MAP3K20: variants seen among roughly 807,000 people sequenced by gnomAD.
MAP3K20 encodes the protein HCCS-4.
In MAP3K20, 40 loss-of-function variants were observed where a neutral mutation model predicts 85.7. The observed-to-expected ratio is 0.47, with a 90% CI of 0.36 to 0.61. The LOEUF is 0.61. Among genes scored for constraint, MAP3K20 ranks in the 20% least tolerant of loss-of-function variants. MAP3K20 has a pLI of 0.00. For synonymous variants in MAP3K20, 325 were observed against 327.7 expected, an observed-to-expected ratio of 0.99 and a Z score of 0.09; for missense variants, 817 against 961.7, an observed-to-expected ratio of 0.85 and a Z score of 1.99.
chr2:173,162,820 G>T (rs1313791712), intron 2 of MAP3K20, among the ~76,000 whole-genome samples: 1 of 152,112 alleles, frequency 6.6e-6, no homozygotes, highest in African/African-American at 2.4e-5. Context: ...AGTGTACCTT[G>T]TGTCAGTGCC....
intron 2 of MAP3K20, among the ~76,000 whole-genome samples, chr2:173,135,747 A>G (rs1688781739): frequency 6.6e-6 from 1 of 152,258 alleles, no homozygotes; most frequent in African/African-American, 2.4e-5. Context: ...GTAAATGTCA[A>G]ATATAATGAA....
chr2:173,258,274 G>C (rs1239952851), intron 16 of MAP3K20, among the ~76,000 whole-genome samples: 1 of 152,154 alleles, frequency 6.6e-6, no homozygotes, highest in Non-Finnish European at 1.5e-5. Context: ...TGGATCAAGA[G>C]GGCCTTATGT....
At chr2:173,176,408 G>A (rs1370218812) in intron 3 of MAP3K20, among the ~76,000 whole-genome samples, 2 of 151,974 alleles carry the variant, frequency 1.3e-5, no homozygotes, top group Non-Finnish European at 2.9e-5. Flanking sequence ...CACAACAATA[G>A]CATAAAGGAT....
chr2:173,093,836 G>A (rs1407820544), intron 2 of MAP3K20, among the ~76,000 whole-genome samples: 2 of 152,032 alleles, frequency 1.3e-5, no homozygotes, highest in Non-Finnish European at 2.9e-5. Flanking sequence ...CATGTCCTTT[G>A]TAGGGACAAG....
intron 18 of MAP3K20, 56 bp from the exon 19 acceptor site, chr2:173,263,689 G>T: frequency 6.5e-7 from 1 of 1,527,856 alleles, no homozygotes; most frequent in African/African-American, 1.4e-5. Context: ...GTGTCTATTT[G>T]GTCATATGTT....
intron 9 of MAP3K20, 81 bp downstream of exon 9, chr2:173,203,951 T>C: frequency 7.7e-7 from 1 of 1,298,434 alleles, no homozygotes; most frequent in Non-Finnish European, 1.1e-6. Context: ...CTTAGGGTAA[T>C]AAAATTCATT....
chr2:173,223,016 A>C (rs921176675), intron 11 of MAP3K20: 2 of 985,342 alleles, frequency 2.0e-6, no homozygotes, highest in Admixed American at 6.1e-5. Flanking sequence ...AAGAAAGGAC[A>C]TCATCATAGA....
Position 173,209,998 on chromosome 2 carries a change from T to C in MAP3K20, c.851+163T>C, listed in dbSNP as rs1683830750. ...ATGATTTTGGAACTCTTATAAGTCC[T>C]GCATTTCATAAGCAAGAAATAGTGT... On this transcript the variant is annotated intron_variant, in intron 10 of 19. Transcript: ENST00000375213. 8 of 628,858 alleles carry C rather than the reference T, an allele frequency of 1.3e-5. No individual in the cohort carries two copies. The South Asian group carries it at 1.4e-4, about 11-fold the overall frequency. 39.0% of individuals were successfully genotyped at this position (628,858 alleles called of 1,614,324 possible).
At chr2:173,213,933 T>C (rs1683991285) in intron 10 of MAP3K20, among the ~76,000 whole-genome samples, 1 of 152,106 alleles carries the variant, frequency 6.6e-6, no homozygotes, top group Admixed American at 6.6e-5. Context: ...TACTCCCCTT[T>C]CCCCCCAACT....
intron 2 of MAP3K20, among the ~76,000 whole-genome samples, chr2:173,120,839 C>G (rs1688264862): frequency 6.6e-6 from 1 of 150,826 alleles, no homozygotes; most frequent in South Asian, 2.1e-4. Context: ...TCCTGAGTAG[C>G]TGGGACTACA....
intron 3 of MAP3K20, among the ~76,000 whole-genome samples, chr2:173,177,131 C>T (rs1325526598): frequency 1.3e-5 from 2 of 152,164 alleles, no homozygotes; most frequent in African/African-American, 4.8e-5. Context: ...ATTGATAGAA[C>T]AGCTAGACAG....
In MAP3K20 at chr2:173,229,728, G is replaced by C; in HGVS notation, c.1027G>C (p.Asp343His). ...TGAGATTGGTGCATGGACGGAAGACGATGTGGTAAGCTCTTTGTATTCATG... is the reference window on the plus strand; with the variant it reads ...TGAGATTGGTGCATGGACGGAAGACCATGTGGTAAGCTCTTTGTATTCATG... Reference protein sequence around the residue: ...SFEIGAWTEDDVYCWVQQLVR... With the variant: ...SFEIGAWTEDHVYCWVQQLVR... Residue 343 changes from aspartate (D) to histidine (H), a missense_variant, in exon 12 of 20, where the codon GAT becomes CAT. Physicochemically the swap from Asp to His is moderately conservative, Grantham distance 81. Transcript: ENST00000375213. 6.2e-7 allele frequency: 1 copy of C among 1,614,086 alleles called. No homozygotes were observed. Among genetic ancestry groups the C allele is most frequent in the Non-Finnish European group, 8.5e-7 (1 of 1,180,002 alleles).
chr2:173,131,466 C>T (rs1688615892), intron 2 of MAP3K20, among the ~76,000 whole-genome samples: 1 of 152,056 alleles, frequency 6.6e-6, no homozygotes, highest in Non-Finnish European at 1.5e-5. Flanking sequence ...GAGATAGGAA[C>T]CATGAAACCA....
chr2:173,224,142 G>C, intron 11 of MAP3K20: 1 of 859,578 alleles, frequency 1.2e-6, no homozygotes, highest in Non-Finnish European at 1.4e-6. Flanking sequence ...GCCAAAAAAT[G>C]AAGCCGGGAA....
In MAP3K20 at chr2:173,226,348, T is replaced by C. The variant is rs1288075777; in HGVS notation, c.988-3341T>C. On this transcript the variant is annotated intron_variant, in intron 11 of 19. Transcript: ENST00000375213. ...ATATTAATACTTTAAAAAATTATTG[T>C]ACTAGACTTATTGCAGCCTTTTGAA... 3.3e-4 allele frequency: 324 copies of C among 985,112 alleles called. 2 individuals carry two copies. In the African/African-American group the frequency reaches 5.1e-3, roughly 15 times the overall value. The allele number at this position is 985,112 out of a possible 1,614,324, so 61.0% of individuals were successfully genotyped here.
chr2:173,195,170 C>T (rs1000531667), intron 7 of MAP3K20, among the ~76,000 whole-genome samples: 1 of 138,286 alleles, frequency 7.2e-6, no homozygotes, highest in Non-Finnish European at 1.5e-5. Flanking sequence ...TCTGAGAACA[C>T]AAGGCCTAGC....
At chr2:173,228,095 G>A (rs1684435378) in intron 11 of MAP3K20, among the ~76,000 whole-genome samples, 2 of 152,184 alleles carry the variant, frequency 1.3e-5, no homozygotes, top group Admixed American at 6.5e-5. Flanking sequence ...CAACCCTGGA[G>A]GGAAGGGAAG....
chr2:173,111,856 G>A (rs1687984358), intron 2 of MAP3K20, among the ~76,000 whole-genome samples: 1 of 152,104 alleles, frequency 6.6e-6, no homozygotes, highest in Admixed American at 6.6e-5. Flanking sequence ...ATCAGGTAGT[G>A]TGATGCCTCC....
At chr2:173,093,487 C>G (rs1687361913) in intron 2 of MAP3K20, among the ~76,000 whole-genome samples, 1 of 152,112 alleles carries the variant, frequency 6.6e-6, no homozygotes, top group Non-Finnish European at 1.5e-5. Context: ...AGACTATTTA[C>G]TTTCACTTTA....
Sources: allele counts gnomAD v4.1 joint callset (sites outside exome capture counted in the v4.1 genomes callset), GRCh38; gene constraint gnomAD v4.1.1; transcripts MANE v1.5; gene names NCBI Gene and HGNC (gene_info 2026-07-23, HGNC 2026-07-21).